Variants in ATXN1 observed in about 807,000 individuals in gnomAD.
The protein encoded by ATXN1 is ataxin 1, also known as ataxin-1.
Under a neutral mutation model 56.4 loss-of-function variants are expected in ATXN1, and 8 were observed. The ratio of observed to expected loss-of-function variants is 0.14; its 90% confidence interval spans 0.08 to 0.26. The LOEUF (loss-of-function observed/expected upper bound fraction) is 0.26, where lower values mean the gene tolerates loss of function less well. Ranked by LOEUF, ATXN1 falls within the 10% of genes least tolerant of loss-of-function variation. The pLI is 1.00. For missense variants in ATXN1, 987 were observed against 1,106.5 expected, an observed-to-expected ratio of 0.89 and a Z score of 1.53; for synonymous variants, 514 against 494.6, an observed-to-expected ratio of 1.04 and a Z score of -0.52.
chr6:16,728,536 G>A (rs1030862346), intron 2 of ATXN1, among the ~76,000 whole-genome samples: 4 of 152,088 alleles, frequency 2.6e-5, no homozygotes, highest in South Asian at 2.1e-4. Context: ...TCCACTACAC[G>A]CCATCACCCA....
rs746170985 is a variant in ATXN1, at chr6:16,501,104, C to T, written c.-298-14995G>A. ...TCAAATGTGTAGGTTTGTGCATGTG[C>T]GTGAGTGTGCACATATGCACGCATG... On this transcript the variant is annotated intron_variant, in intron 5 of 7. Transcript: ENST00000436367. Among the ~76,000 whole-genome samples the T allele has an allele frequency of 5.9e-5, 9 of 152,186 alleles. No individual in the cohort carries two copies. The East Asian group carries it at 7.7e-4, about 13-fold the overall frequency.
At chr6:16,415,423 T>C (rs1758881870) in intron 6 of ATXN1, among the ~76,000 whole-genome samples, 1 of 152,094 alleles carries the variant, frequency 6.6e-6, no homozygotes, top group Admixed American at 6.6e-5. Flanking sequence ...AGAGATGGGG[T>C]TTGGCCATGT....
intron 6 of ATXN1, among the ~76,000 whole-genome samples, chr6:16,379,827 A>G (rs1007902885): frequency 7.2e-5 from 11 of 152,236 alleles, no homozygotes; most frequent in Non-Finnish European, 1.5e-4. Flanking sequence ...GAAGCTCTAG[A>G]TGGGTCATTT....
intron 4 of ATXN1, among the ~76,000 whole-genome samples, chr6:16,575,543 G>A (rs1175097087): frequency 2.0e-5 from 3 of 152,170 alleles, no homozygotes; most frequent in Non-Finnish European, 4.4e-5. Context: ...CAGCCACATT[G>A]TGTCCTGTGT....
intron 6 of ATXN1, among the ~76,000 whole-genome samples, chr6:16,464,062 CCAGTTCCCAA>C (rs1760052109): frequency 6.6e-6 from 1 of 152,130 alleles, no homozygotes; most frequent in African/African-American, 2.4e-5. Context: ...CAGTCATCAC[CCAGTTCCCAA>C]CAGCAGCTGG....
At chr6:16,320,107 G>C (rs1009222091) in intron 7 of ATXN1, among the ~76,000 whole-genome samples, 10 of 152,132 alleles carry the variant, frequency 6.6e-5, no homozygotes, top group Admixed American at 2.6e-4. Context: ...TGGCTGCAAA[G>C]GGACTGACTC....
chr6:16,740,006 G>A, intron 2 of ATXN1: 1 of 400,758 alleles, frequency 2.5e-6, no homozygotes. Flanking sequence ...GGGAAAAGCT[G>A]TAAAGAGATT....
chr6:16,610,056 T>C (rs929307810), intron 3 of ATXN1, among the ~76,000 whole-genome samples: 3 of 151,584 alleles, frequency 2.0e-5, no homozygotes, highest in Non-Finnish European at 2.9e-5. Flanking sequence ...AGAACAAACC[T>C]GAAAAAGTCT....
At chr6:16,361,812 G>C (rs899326365) in intron 6 of ATXN1, among the ~76,000 whole-genome samples, 6 of 152,146 alleles carry the variant, frequency 3.9e-5, no homozygotes, top group African/African-American at 1.4e-4. Flanking sequence ...TTCCTGTGAG[G>C]CCAGCCTTGA....
intron 6 of ATXN1, among the ~76,000 whole-genome samples, chr6:16,443,932 C>T (rs190225608): frequency 7.2e-5 from 11 of 152,172 alleles, no homozygotes; most frequent in Admixed American, 3.3e-4. Context: ...CTGGCTAACA[C>T]AGTGAAACCC....
At chr6:16,449,054 G>A (rs895984390) in intron 6 of ATXN1, among the ~76,000 whole-genome samples, 1 of 152,050 alleles carries the variant, frequency 6.6e-6, no homozygotes, top group African/African-American at 2.4e-5. Flanking sequence ...CATACTGCCA[G>A]GCTTGTGTAG....
intron 6 of ATXN1, among the ~76,000 whole-genome samples, chr6:16,463,141 AC>A (rs1000060303): frequency 6.6e-6 from 1 of 152,150 alleles, no homozygotes; most frequent in Non-Finnish European, 1.5e-5. Context: ...TCACCAGACT[AC>A]CTTGGCAAGT....
chr6:16,420,958 C>T (rs1166755721), intron 6 of ATXN1, among the ~76,000 whole-genome samples: 1 of 152,142 alleles, frequency 6.6e-6, no homozygotes, highest in Non-Finnish European at 1.5e-5. Flanking sequence ...AGTTGATTTT[C>T]CCCATCTGAC....
At chr6:16,456,579 C>T in intron 6 of ATXN1, among the ~76,000 whole-genome samples, 1 of 152,134 alleles carries the variant, frequency 6.6e-6, no homozygotes, top group East Asian at 1.9e-4. Flanking sequence ...GTTGGTTGGC[C>T]CTGCAGCCAT....
intron 4 of ATXN1, among the ~76,000 whole-genome samples, chr6:16,528,374 T>C (rs1761434754): frequency 1.3e-5 from 2 of 151,816 alleles, no homozygotes; most frequent in South Asian, 2.1e-4. Context: ...TCTGAAGGTA[T>C]ACATGGGAGG....
intron 5 of ATXN1, among the ~76,000 whole-genome samples, chr6:16,520,934 G>A (rs1048829767): frequency 7.9e-5 from 12 of 152,090 alleles, no homozygotes; most frequent in African/African-American, 2.4e-4. Context: ...ATCAAGTTCC[G>A]CAATAATGAC....
At chr6:16,420,810 T>C (rs534557581) in intron 6 of ATXN1, among the ~76,000 whole-genome samples, 1 of 152,288 alleles carries the variant, frequency 6.6e-6, no homozygotes, top group East Asian at 1.9e-4. Context: ...GCCTATAAAA[T>C]CTAACAGTTA....
chr6:16,634,982 AC>A (rs1481189364), intron 3 of ATXN1, among the ~76,000 whole-genome samples: 1 of 152,096 alleles, frequency 6.6e-6, no homozygotes, highest in African/African-American at 2.4e-5. Flanking sequence ...GGGGTTCCCA[AC>A]CCCTGGGCTA....
chr6:16,695,813 C>CA (rs953053006), intron 2 of ATXN1, among the ~76,000 whole-genome samples: 5 of 151,812 alleles, frequency 3.3e-5, no homozygotes, highest in Admixed American at 6.6e-5. Flanking sequence ...AAATTAAAAA[C>CA]AAAAAATAAG....
Sources: allele counts gnomAD v4.1 joint callset (sites outside exome capture counted in the v4.1 genomes callset), GRCh38; gene constraint gnomAD v4.1.1; transcripts MANE v1.5; gene names NCBI Gene and HGNC (gene_info 2026-07-23, HGNC 2026-07-21).